KCND2: variants seen among roughly 807,000 people sequenced by gnomAD.
KCND2 encodes A-type voltage-gated potassium channel KCND2.
KCND2 carries 16 observed loss-of-function variants against 54.4 expected under a neutral mutation model. The ratio of observed to expected loss-of-function variants is 0.29; its 90% CI spans 0.20 to 0.45. KCND2 has a LOEUF of 0.45. Among genes scored for constraint, KCND2 ranks in the 20% least tolerant of loss-of-function variants. The probability of loss-of-function intolerance (pLI) is 1.00; values close to 1 mark genes in which losing one functional copy is unlikely to be tolerated. For synonymous variants in KCND2, 317 were observed against 310.7 expected (o/e 1.02, Z -0.21); for missense variants, 486 against 824.2 (o/e 0.59, Z 5.02).
At chr7:120,433,661 T>C (rs1484980561) in intron 1 of KCND2, among the ~76,000 whole-genome samples, 1 of 152,344 alleles carries the variant, frequency 6.6e-6, no homozygotes, top group South Asian at 2.1e-4. Context: ...TAAAATGATA[T>C]TTCCTATCAA....
intron 1 of KCND2, among the ~76,000 whole-genome samples, chr7:120,338,046 T>C (rs1225489965): frequency 2.0e-5 from 3 of 152,180 alleles, no homozygotes; most frequent in Non-Finnish European, 2.9e-5. Flanking sequence ...AGCTCTGATA[T>C]GAAGATCTTT....
At chr7:120,655,987 C>T (rs1054503178) in intron 1 of KCND2, among the ~76,000 whole-genome samples, 42 of 152,106 alleles carry the variant, frequency 2.8e-4, no homozygotes, top group African/African-American at 9.2e-4. Flanking sequence ...CCTGAGTTTT[C>T]GTTTAAAATT....
At chr7:120,630,042 G>A (rs1425011684) in intron 1 of KCND2, among the ~76,000 whole-genome samples, 1 of 132,174 alleles carries the variant, frequency 7.6e-6, no homozygotes, top group Non-Finnish European at 1.7e-5. Context: ...TAAAGGCCTA[G>A]CAGTGAGCAC....
intron 1 of KCND2, among the ~76,000 whole-genome samples, chr7:120,527,363 A>G (rs1285982434): frequency 6.6e-6 from 1 of 152,124 alleles, no homozygotes; most frequent in Non-Finnish European, 1.5e-5. Context: ...ACTCAGCTCA[A>G]GGGCATCCTT....
chr7:120,574,257 A>G (rs376142769), intron 1 of KCND2, among the ~76,000 whole-genome samples: 45 of 152,294 alleles, frequency 3.0e-4, no homozygotes, highest in African/African-American at 1.1e-3. Context: ...TTTTGGGTGT[A>G]TATTGACCAT....
chr7:120,369,989 C>T (rs1800743977), intron 1 of KCND2, among the ~76,000 whole-genome samples: 1 of 151,870 alleles, frequency 6.6e-6, no homozygotes, highest in African/African-American at 2.4e-5. Flanking sequence ...TCATAGGGGC[C>T]AGAGTATATA....
rs5886998 is a variant in KCND2 at position 120,641,754 on chromosome 7, CTT to C, written c.1116-91134_1116-91133del. ...TTATTAAAACTTTTCCAAGCATATT[CTT>C]TTTTTTTTTTTTTTGCACATTTGAT... On this transcript the variant is annotated intron_variant, in intron 1 of 5. Transcript: ENST00000331113. Among the ~76,000 whole-genome samples, 28 of 129,850 alleles carry C rather than the reference CTT, an allele frequency of 2.2e-4. No homozygotes were observed. The South Asian group carries it at 2.5e-3, about 11-fold the overall frequency. The allele number at this position is 129,850 out of a possible 152,430, so 85.2% of individuals were successfully genotyped here. A position where few individuals can be genotyped will look rare whatever the true frequency, so the allele number is the denominator to read the frequency against.
intron 1 of KCND2, among the ~76,000 whole-genome samples, chr7:120,688,846 A>G (rs1190815016): frequency 6.6e-6 from 1 of 152,180 alleles, no homozygotes; most frequent in Non-Finnish European, 1.5e-5. Flanking sequence ...TGTATTTCCC[A>G]GTGTTAAGAG....
intron 1 of KCND2, among the ~76,000 whole-genome samples, chr7:120,638,892 T>C (rs1021878723): frequency 6.6e-6 from 1 of 152,090 alleles, no homozygotes; most frequent in Non-Finnish European, 1.5e-5. Flanking sequence ...GTGGGATATA[T>C]GTGGTGTGTG....
chr7:120,346,278 A>AT (rs1800314576), intron 1 of KCND2, among the ~76,000 whole-genome samples: 1 of 151,986 alleles, frequency 6.6e-6, no homozygotes, highest in South Asian at 2.1e-4. Context: ...CTCCCATTTT[A>AT]TAGGTTGCCT....
chr7:120,315,771 T>C (rs1799803862), intron 1 of KCND2, among the ~76,000 whole-genome samples: 1 of 1,828 alleles, frequency 5.5e-4, no homozygotes, highest in African/African-American at 7.2e-4. Context: ...AAGCAGTGTG[T>C]GTGTGTGTGT....
At chr7:120,384,998 CTTTTTTTTT>C (rs372225817) in intron 1 of KCND2, among the ~76,000 whole-genome samples, 993 of 82,536 alleles carry the variant, frequency 0.012, 23 homozygotes, top group Middle Eastern at 0.022. Flanking sequence ...TTGTATATAA[CTTTTTTTTT>C]TTTTTTTTTT....
intron 1 of KCND2, among the ~76,000 whole-genome samples, chr7:120,596,146 A>G (rs536957471): frequency 6.6e-6 from 1 of 152,150 alleles, no homozygotes; most frequent in South Asian, 2.1e-4. Context: ...ACTTAGTTTC[A>G]CTGTATTTCT....
intron 1 of KCND2, among the ~76,000 whole-genome samples, chr7:120,714,369 G>T (rs1792577187): frequency 6.6e-6 from 1 of 152,020 alleles, no homozygotes; most frequent in Admixed American, 6.6e-5. Context: ...TAAGTTGGTT[G>T]TATAGAACAC....
intron 1 of KCND2, among the ~76,000 whole-genome samples, chr7:120,474,727 A>G (rs982841015): frequency 6.6e-6 from 1 of 152,046 alleles, no homozygotes; most frequent in African/African-American, 2.4e-5. Flanking sequence ...TCTATCTAAT[A>G]CTATCCCATT....
chr7:120,536,131 A>G (rs983606621), intron 1 of KCND2, among the ~76,000 whole-genome samples: 4 of 152,190 alleles, frequency 2.6e-5, no homozygotes, highest in African/African-American at 9.6e-5. Context: ...AAAGCAAGTC[A>G]CGCGAATTGT....
chr7:120,506,596 A>G (rs973311177), intron 1 of KCND2, among the ~76,000 whole-genome samples: 8 of 151,912 alleles, frequency 5.3e-5, no homozygotes, highest in South Asian at 4.1e-4. Flanking sequence ...ATTTCAGTCT[A>G]TGGAAGTCAT....
intron 1 of KCND2, among the ~76,000 whole-genome samples, chr7:120,645,571 A>G (rs1793430700): frequency 6.6e-6 from 1 of 152,136 alleles, no homozygotes; most frequent in Non-Finnish European, 1.5e-5. Context: ...GGCTGACCAC[A>G]TAACATGTGG....
chr7:120,502,621 G>T (rs1001199607), intron 1 of KCND2, among the ~76,000 whole-genome samples: 1 of 152,012 alleles, frequency 6.6e-6, no homozygotes, highest in Non-Finnish European at 1.5e-5. Context: ...TGTGGAAGAA[G>T]ACTGCATGTT....
Sources: allele counts gnomAD v4.1 joint callset (sites outside exome capture counted in the v4.1 genomes callset), GRCh38; gene constraint gnomAD v4.1.1; transcripts MANE v1.5; gene names NCBI Gene and HGNC (gene_info 2026-07-23, HGNC 2026-07-21).